Variants in MAGI2 observed in about 807,000 individuals in gnomAD.
MAGI2 encodes the protein membrane associated guanylate kinase, WW and PDZ domain containing 2, also known as membrane-associated guanylate kinase, WW and PDZ domain-containing protein 2.
In MAGI2, 35 loss-of-function variants were observed where a neutral mutation model predicts 133.3. The ratio of observed to expected loss-of-function variants is 0.26; its 90% CI spans 0.20 to 0.35. MAGI2 has a LOEUF of 0.35. MAGI2 is among the 10% of genes least tolerant of loss of function. MAGI2 has a pLI of 1.00. For synonymous variants in MAGI2, 729 were observed against 710.6 expected, an observed-to-expected ratio of 1.03 and a Z score of -0.41; for missense variants, 1,636 against 1,863.4, an observed-to-expected ratio of 0.88 and a Z score of 2.25.
intron 2 of MAGI2, among the ~76,000 whole-genome samples, chr7:78,672,271 C>A (rs1016032921): frequency 6.6e-6 from 1 of 152,052 alleles, no homozygotes; most frequent in Non-Finnish European, 1.5e-5. Context: ...GGGACCTCCC[C>A]CCTCTCTCTC....
At chr7:79,439,582 C>T (rs12706177) in intron 1 of MAGI2, among the ~76,000 whole-genome samples, 52,853 of 151,984 alleles carry the variant, frequency 0.35, 10,366 homozygotes, top group Middle Eastern at 0.48. Flanking sequence ...GCCTCTCCTT[C>T]TACTCTGCAT....
intron 2 of MAGI2, among the ~76,000 whole-genome samples, chr7:78,944,604 A>G (rs964200428): frequency 5.9e-5 from 9 of 152,154 alleles, no homozygotes; most frequent in African/African-American, 1.7e-4. Flanking sequence ...AAAAGGCACC[A>G]CCATGTGTAT....
intron 1 of MAGI2, among the ~76,000 whole-genome samples, chr7:79,109,524 T>C (rs1818735315): frequency 6.6e-6 from 1 of 152,254 alleles, no homozygotes; most frequent in Admixed American, 6.5e-5. Flanking sequence ...GCCTGACTGC[T>C]TTTAAAAGCC....
chr7:78,380,764 G>A (rs1250292280), intron 6 of MAGI2, among the ~76,000 whole-genome samples: 1 of 152,082 alleles, frequency 6.6e-6, no homozygotes, highest in Non-Finnish European at 1.5e-5. Flanking sequence ...TTGTAACACA[G>A]ACACTTGAAG....
chr7:79,308,332 T>C (rs972980359), intron 1 of MAGI2, among the ~76,000 whole-genome samples: 1 of 151,928 alleles, frequency 6.6e-6, no homozygotes, highest in Non-Finnish European at 1.5e-5. Context: ...GCGTTCTCAG[T>C]ACAGAGACAG....
chr7:78,628,135 G>T (rs768126993), intron 2 of MAGI2, among the ~76,000 whole-genome samples: 7 of 152,174 alleles, frequency 4.6e-5, no homozygotes, highest in Non-Finnish European at 1.0e-4. Context: ...AGTTTGTGAG[G>T]CAAGAGCAGA....
chr7:79,408,414 G>A (rs535031429), intron 1 of MAGI2, among the ~76,000 whole-genome samples: 1 of 152,028 alleles, frequency 6.6e-6, no homozygotes, highest in Non-Finnish European at 1.5e-5. Flanking sequence ...AAAATGTCTA[G>A]AGTTGGGTCT....
chr7:79,057,563 C>T (rs1168250026), intron 1 of MAGI2, among the ~76,000 whole-genome samples: 1 of 152,190 alleles, frequency 6.6e-6, no homozygotes, highest in Non-Finnish European at 1.5e-5. Context: ...CAGGTTGTCT[C>T]AGCCTAGAAG....
intron 1 of MAGI2, among the ~76,000 whole-genome samples, chr7:79,169,159 C>G (rs1825274785): frequency 6.6e-6 from 1 of 151,930 alleles, no homozygotes; most frequent in Admixed American, 6.6e-5. Flanking sequence ...GGTCCCTTTG[C>G]AAGCTCCTTT....
At chr7:79,403,415 T>A (rs574271398) in intron 1 of MAGI2, among the ~76,000 whole-genome samples, 1 of 152,214 alleles carries the variant, frequency 6.6e-6, no homozygotes, top group South Asian at 2.1e-4. Context: ...AATGTAGACA[T>A]CTTGGAAAAC....
intron 2 of MAGI2, among the ~76,000 whole-genome samples, chr7:78,898,756 G>A (rs955698547): frequency 6.6e-6 from 1 of 152,032 alleles, no homozygotes; most frequent in East Asian, 1.9e-4. Context: ...TCCTGTGATT[G>A]TAAGTTTACT....
intron 20 of MAGI2, among the ~76,000 whole-genome samples, chr7:78,104,343 C>T: frequency 6.6e-6 from 1 of 152,042 alleles, no homozygotes; most frequent in East Asian, 1.9e-4. Context: ...CTGCCTCAGC[C>T]TCCCGAGTAG....
intron 2 of MAGI2, among the ~76,000 whole-genome samples, chr7:78,884,388 G>A (rs1287015520): frequency 6.6e-6 from 1 of 152,150 alleles, no homozygotes; most frequent in African/African-American, 2.4e-5. Context: ...AGAGGCTGAG[G>A]TGGGAGGATT....
At chr7:78,900,404 T>C (rs531899623) in intron 2 of MAGI2, among the ~76,000 whole-genome samples, 1 of 152,128 alleles carries the variant, frequency 6.6e-6, no homozygotes, top group Non-Finnish European at 1.5e-5. Flanking sequence ...CTCTCTGACT[T>C]AATTCATATG....
At chr7:78,738,828 T>A (rs966833057) in intron 2 of MAGI2, among the ~76,000 whole-genome samples, 8 of 151,938 alleles carry the variant, frequency 5.3e-5, no homozygotes, top group Non-Finnish European at 1.0e-4. Flanking sequence ...AAAGAAAGGG[T>A]GAAGAAATCT....
chr7:78,893,078 C>T (rs1407766990), intron 2 of MAGI2, among the ~76,000 whole-genome samples: 2 of 151,870 alleles, frequency 1.3e-5, no homozygotes, highest in Non-Finnish European at 2.9e-5. Context: ...AGGATATGAA[C>T]AGACACTTCT....
At chr7:78,547,455 T>C (rs956563067) in intron 3 of MAGI2, among the ~76,000 whole-genome samples, 1 of 152,252 alleles carries the variant, frequency 6.6e-6, no homozygotes, top group African/African-American at 2.4e-5. Context: ...ATTGGTATGA[T>C]TGTTCTAGAC....
At chr7:79,103,804 A>T (rs868704160) in intron 1 of MAGI2, among the ~76,000 whole-genome samples, 1 of 151,954 alleles carries the variant, frequency 6.6e-6, no homozygotes, top group Admixed American at 6.6e-5. Context: ...GGTTCACGCC[A>T]TTCTACTGCC....
intron 1 of MAGI2, among the ~76,000 whole-genome samples, chr7:79,098,324 G>C (rs1817685498): frequency 6.6e-6 from 1 of 151,972 alleles, no homozygotes; most frequent in Non-Finnish European, 1.5e-5. Context: ...CTCTCACATG[G>C]GAGATAATTG....
Sources: gnomAD v4.1 joint callset for allele counts (sites outside exome capture counted in the v4.1 genomes callset) on GRCh38, gnomAD v4.1.1 for gene constraint, MANE v1.5 for transcripts, NCBI Gene and HGNC (gene_info 2026-07-23, HGNC 2026-07-21) for gene names.